Variants in SAMD3 observed in about 807,000 individuals in gnomAD.
SAMD3 encodes the protein sterile alpha motif domain-containing protein 3.
In SAMD3, 63 loss-of-function variants were observed where a neutral mutation model predicts 58.5. That is an observed-to-expected ratio of 1.08 (90% confidence interval 0.88 to 1.33). SAMD3 has a LOEUF of 1.33. SAMD3 is among the 40% of genes most tolerant of loss of function. The pLI is 0.00. For synonymous variants in SAMD3, 220 were observed against 210.3 expected, an observed-to-expected ratio of 1.05 and a Z score of -0.40; for missense variants, 604 against 608.4, an observed-to-expected ratio of 0.99 and a Z score of 0.08.
chr6:130,297,847 T>C (rs1775620006), intron 2 of SAMD3, among the ~76,000 whole-genome samples: 1 of 152,046 alleles, frequency 6.6e-6, no homozygotes, highest in Non-Finnish European at 1.5e-5. Context: ...AAACAGAATT[T>C]TAAAAAATGA....
intron 1 of SAMD3, among the ~76,000 whole-genome samples, chr6:130,320,373 A>G (rs907743900): frequency 6.6e-6 from 1 of 152,214 alleles, no homozygotes; most frequent in Admixed American, 6.5e-5. Flanking sequence ...CACGTATTAG[A>G]ATGGCTAAAA....
intron 9 of SAMD3, among the ~76,000 whole-genome samples, chr6:130,149,889 C>T (rs1322221078): frequency 6.6e-6 from 1 of 152,164 alleles, no homozygotes; most frequent in African/African-American, 2.4e-5. Context: ...AAAGAAAGCC[C>T]CCCTTTTCAC....
chr6:130,331,475 C>A lies in SAMD3; in HGVS notation c.-303-18382G>T, dbSNP rs1289817481. Among the ~76,000 whole-genome samples, 5 of 152,142 alleles carry A rather than the reference C, an allele frequency of 3.3e-5. 1 individual carries two copies. The highest frequency in any genetic ancestry group is 7.4e-5 in the Non-Finnish European group (5 of 68,026). Reference sequence around the variant, plus strand: ...CAGTGGCTCACATCTGTAATCCCAGCACTTTGGGAGGCCGAGGAGGGCAGA... The same window carrying A: ...CAGTGGCTCACATCTGTAATCCCAGAACTTTGGGAGGCCGAGGAGGGCAGA... On this transcript the variant is annotated intron_variant, in intron 1 of 13. Coordinates refer to the SAMD3 transcript ENST00000368134.
intron 2 of SAMD3, among the ~76,000 whole-genome samples, chr6:130,266,164 G>A (rs1774345755): frequency 6.6e-6 from 1 of 152,152 alleles, no homozygotes; most frequent in South Asian, 2.1e-4. Flanking sequence ...TTGAGGAAAA[G>A]TTTATAAACG....
rs1344320371 is a variant in SAMD3 at position 130,180,955 on chromosome 6, TTTTTC to T, written c.654+3143_654+3147del. Among the ~76,000 whole-genome samples the T allele has an allele frequency of 2.7e-4, 37 of 135,524 alleles. 1 individual carries two copies. The highest frequency in any genetic ancestry group is 1.2e-3 in the South Asian group (5 of 4,108). The allele number at this position is 135,524 out of a possible 152,430, so 88.9% of individuals were successfully genotyped here. A position where few individuals can be genotyped will look rare whatever the true frequency, so the allele number is the denominator to read the frequency against. On this transcript the variant is annotated intron_variant, in intron 7 of 11. Coordinates refer to ENST00000439090, the MANE Select transcript of SAMD3 (RefSeq NM_001017373.4). ...TTCTTTTTTCTTTTTCTTTCTTTCT[TTTTTC>T]TTTTGAGACGGAGTTCCGCTCTTGT...
At chr6:130,321,193 G>C (rs902845082) in intron 1 of SAMD3, among the ~76,000 whole-genome samples, 2 of 152,314 alleles carry the variant, frequency 1.3e-5, no homozygotes, top group Admixed American at 6.5e-5. Context: ...TTCATGCTCT[G>C]TACCAGTCTT....
intron 2 of SAMD3, among the ~76,000 whole-genome samples, chr6:130,296,206 T>A (rs1041617558): frequency 2.6e-5 from 4 of 152,234 alleles, no homozygotes; most frequent in African/African-American, 9.6e-5. Flanking sequence ...ATGTCAGTTC[T>A]CCTCAGAAAG....
intron 7 of SAMD3, among the ~76,000 whole-genome samples, chr6:130,179,796 A>G (rs1189907106): frequency 6.8e-6 from 1 of 146,966 alleles, no homozygotes; most frequent in African/African-American, 2.5e-5. Context: ...GTTATATAAG[A>G]GATTGTCCTT....
chr6:130,323,205 T>C (rs1483612182), intron 1 of SAMD3, among the ~76,000 whole-genome samples: 1 of 152,192 alleles, frequency 6.6e-6, no homozygotes, highest in Non-Finnish European at 1.5e-5. Flanking sequence ...GGACAACGGA[T>C]ACCTCTTTCC....
At chr6:130,248,964 C>T (rs572643609) in intron 2 of SAMD3, among the ~76,000 whole-genome samples, 1 of 152,272 alleles carries the variant, frequency 6.6e-6, no homozygotes, top group African/African-American at 2.4e-5. Context: ...GTTTGTCTCA[C>T]CGAGCGTCTG....
intron 2 of SAMD3, among the ~76,000 whole-genome samples, chr6:130,308,441 T>TCTATTCTATTCTATTCTA (rs1776023834): frequency 1.3e-5 from 2 of 150,028 alleles, no homozygotes; most frequent in African/African-American, 2.5e-5. Context: ...TTCTATTCTT[T>TCTATTCTATTCTATTCTA]TGTGTGTGTG....
At chr6:130,325,495 G>C (rs1421187363) in intron 1 of SAMD3, among the ~76,000 whole-genome samples, 1 of 152,158 alleles carries the variant, frequency 6.6e-6, no homozygotes, top group Non-Finnish European at 1.5e-5. Context: ...ACACTCGTGA[G>C]GGCCATCTTC....
chr6:130,154,233 T>A (rs1165920656), intron 9 of SAMD3, among the ~76,000 whole-genome samples: 1 of 54,006 alleles, frequency 1.9e-5, no homozygotes, highest in African/African-American at 5.8e-5. Context: ...GCTACTGAAA[T>A]TCTTTTTTTT....
At chr6:130,315,686 T>C (rs1297084516) in intron 1 of SAMD3, among the ~76,000 whole-genome samples, 5 of 152,236 alleles carry the variant, frequency 3.3e-5, no homozygotes, top group African/African-American at 1.2e-4. Context: ...ATTCCTTTTA[T>C]TTGTTTTGGA....
intron 2 of SAMD3, among the ~76,000 whole-genome samples, chr6:130,286,481 C>T (rs1775157786): frequency 6.6e-6 from 1 of 152,106 alleles, no homozygotes; most frequent in South Asian, 2.1e-4. Context: ...TATTTATTGC[C>T]TCCGTTCCTT....
At chr6:130,329,627 G>T in intron 1 of SAMD3, among the ~76,000 whole-genome samples, 1 of 152,124 alleles carries the variant, frequency 6.6e-6, no homozygotes, top group Admixed American at 6.6e-5. Context: ...TATGTTTACT[G>T]CAGAACTATT....
intron 7 of SAMD3, among the ~76,000 whole-genome samples, chr6:130,179,596 C>A (rs1181063762): frequency 5.1e-4 from 55 of 107,494 alleles, no homozygotes; most frequent in Middle Eastern, 4.8e-3. Flanking sequence ...TATGGAGAGA[C>A]TGTCTAGGCA....
intron 1 of SAMD3, among the ~76,000 whole-genome samples, chr6:130,219,177 CTA>C (rs1333815049): frequency 6.6e-6 from 1 of 152,002 alleles, no homozygotes; most frequent in Non-Finnish European, 1.5e-5. Flanking sequence ...AGGAACAAAA[CTA>C]TTAATTTTTT....
At chr6:130,275,575 A>G (rs1344031683) in intron 2 of SAMD3, among the ~76,000 whole-genome samples, 2 of 152,098 alleles carry the variant, frequency 1.3e-5, no homozygotes, top group Non-Finnish European at 2.9e-5. Flanking sequence ...ATAGCAATCT[A>G]TTTATGATAT....
Sources: gnomAD v4.1 joint callset for allele counts (sites outside exome capture counted in the v4.1 genomes callset) on GRCh38, gnomAD v4.1.1 for gene constraint, MANE v1.5 for transcripts, NCBI Gene and HGNC (gene_info 2026-07-23, HGNC 2026-07-21) for gene names.